The following HSD17B4 variants were observed in gnomAD, a reference collection of about 807,000 sequenced individuals.
HSD17B4 encodes the protein peroxisomal multifunctional enzyme type 2.
A neutral mutation model predicts 101.0 loss-of-function variants in HSD17B4; 70 were observed. The ratio of observed to expected loss-of-function variants is 0.69; its 90% CI spans 0.57 to 0.85. HSD17B4 has a LOEUF of 0.85. HSD17B4 is among the 40% of genes least tolerant of loss of function. The pLI is 0.00. For missense variants in HSD17B4, 984 were observed against 892.4 expected (o/e 1.10, Z -1.31); for synonymous variants, 347 against 297.1 (o/e 1.17, Z -1.73).
intron 14 of HSD17B4, among the ~76,000 whole-genome samples, chr5:119,503,076 TTGTGTGTGTGTGTGTGTG>T (rs759039800): frequency 2.8e-5 from 4 of 140,534 alleles, no homozygotes; most frequent in African/African-American, 8.1e-5. Flanking sequence ...ACCTTGGAAA[TTGTGTGTGTGTGTGTGTG>T]TGTGTGTGTG....
chr5:119,452,768 G>A (rs1561420145), intron 1 of HSD17B4, 135 bp downstream of exon 1: 2 of 1,570,344 alleles, frequency 1.3e-6, no homozygotes, highest in Non-Finnish European at 1.7e-6. Context: ...TTATTCTTGA[G>A]GCACCGCATC....
chr5:119,530,183 A>C, intron 21 of HSD17B4: 1 of 550,488 alleles, frequency 1.8e-6, no homozygotes, highest in Middle Eastern at 4.5e-4. Flanking sequence ...CTCGTTTTGC[A>C]GGATACTAGG....
intron 9 of HSD17B4, among the ~76,000 whole-genome samples, chr5:119,490,316 A>C (rs1336721556): frequency 6.6e-6 from 1 of 152,162 alleles, no homozygotes; most frequent in Non-Finnish European, 1.5e-5. Flanking sequence ...AGCCATCTGT[A>C]ATTCAGAATT....
intron 20 of HSD17B4, among the ~76,000 whole-genome samples, chr5:119,529,551 C>T (rs972396462): frequency 3.3e-5 from 5 of 152,206 alleles, no homozygotes; most frequent in African/African-American, 1.2e-4. Context: ...CTGATCCCCA[C>T]TTCCCCCCCA....
At chr5:119,475,540 CT>C (rs1748499712) in intron 4 of HSD17B4, 165 bp from the exon 5 acceptor site, 12 of 592,014 alleles carry the variant, frequency 2.0e-5, no homozygotes, top group Admixed American at 3.2e-5. Context: ...TGTGAGTCAA[CT>C]TTTTTTGATA....
In HSD17B4 at chr5:119,525,945, A is replaced by T; in HGVS notation, c.1602A>T (p.Leu534Phe). 1 of 1,610,176 alleles carries T rather than the reference A, an allele frequency of 6.2e-7. No individual in the cohort carries two copies. The highest frequency in any genetic ancestry group is 8.5e-7 in the Non-Finnish European group (1 of 1,176,656). ...TTGACAAGCCCATATTACATGGATT[A>T]TGTACATTTGGATTTTCTGCCAGGC... ...AGFDKPILHG[L>F]CTFGFSARRV... The change falls in exon 19 of 24, where the codon TTA becomes TTT. Residue 534 changes from leucine (L) to phenylalanine (F), a missense_variant. Coordinates refer to ENST00000510025, the MANE Select transcript of HSD17B4 (RefSeq NM_000414.4).
At chr5:119,475,186 A>G (rs1748465964) in intron 4 of HSD17B4, among the ~76,000 whole-genome samples, 1 of 152,172 alleles carries the variant, frequency 6.6e-6, no homozygotes, top group Non-Finnish European at 1.5e-5. Context: ...GTGAAATCAT[A>G]GGGTGAAAAT....
chr5:119,480,324 C>G (rs945429173), intron 8 of HSD17B4, among the ~76,000 whole-genome samples: 11 of 151,938 alleles, frequency 7.2e-5, no homozygotes, highest in Non-Finnish European at 1.2e-4. Flanking sequence ...AGGTTCTTTT[C>G]TATTTTCCTA....
chr5:119,455,068 AT>A (rs1433378042), intron 1 of HSD17B4, among the ~76,000 whole-genome samples: 1 of 152,380 alleles, frequency 6.6e-6, no homozygotes, highest in Admixed American at 6.5e-5. Context: ...AATGTAAAAA[AT>A]ATACACATAT....
At chr5:119,491,098 C>G (rs1045977809) in intron 9 of HSD17B4, among the ~76,000 whole-genome samples, 4 of 152,076 alleles carry the variant, frequency 2.6e-5, no homozygotes, top group Admixed American at 2.6e-4. Context: ...GTGGCAGATA[C>G]AAATATTTTT....
chr5:119,500,332 A>ATATACATTGTATATAGT (rs528637685), intron 13 of HSD17B4, among the ~76,000 whole-genome samples: 2 of 152,134 alleles, frequency 1.3e-5, no homozygotes, highest in Non-Finnish European at 2.9e-5. Context: ...GGGTGCATAT[A>ATATACATTGTATATAGT]TATACATTGT....
At chr5:119,492,362 T>G in intron 10 of HSD17B4, 2 of 548,302 alleles carry the variant, frequency 3.6e-6, no homozygotes, top group East Asian at 3.1e-5. Flanking sequence ...TATTCAGGAC[T>G]TGTCCTGTTT....
chr5:119,472,170 C>G (rs1756436772), intron 2 of HSD17B4, among the ~76,000 whole-genome samples: 1 of 152,150 alleles, frequency 6.6e-6, no homozygotes, highest in Non-Finnish European at 1.5e-5. Flanking sequence ...ATTTTAGACA[C>G]TGTGTGTTGT....
chr5:119,534,842 G>C (rs931699033), intron 22 of HSD17B4, among the ~76,000 whole-genome samples: 1 of 152,076 alleles, frequency 6.6e-6, no homozygotes, highest in South Asian at 2.1e-4. Context: ...ACTAACAGCA[G>C]CTCCTGACTG....
chr5:119,499,280 A>G (rs777883269), intron 12 of HSD17B4, 37 bp from the exon 13 acceptor site: 5 of 1,405,722 alleles, frequency 3.6e-6, no homozygotes, highest in South Asian at 1.2e-5. Context: ...TTGAAAAGTT[A>G]TCAATGAAAT....
At chr5:119,458,711 A>C (rs1020773625) in intron 2 of HSD17B4, among the ~76,000 whole-genome samples, 1 of 152,110 alleles carries the variant, frequency 6.6e-6, no homozygotes, top group African/African-American at 2.4e-5. Flanking sequence ...GCTATGTTTT[A>C]TATTCCATAA....
rs552177197 is a variant in HSD17B4, at chr5:119,509,222, A to G, written c.1415A>G (p.Lys472Arg). The G allele has an allele frequency of 6.2e-7, 1 of 1,604,866 alleles. No individual in the cohort carries two copies. The highest frequency in any genetic ancestry group is 1.7e-5 in the Admixed American group (1 of 60,010). ...FLVGSGGFGG[K>R]RTSDKVKVAV... ...GTTGGCTCTGGAGGCTTTGGTGGAA[A>G]ACGGACATCAGACAAAGTCAAGGTA... The change falls in exon 16 of 24, where the codon AAA (lysine) becomes AGA (arginine). Residue 472 changes from lysine (K) to arginine (R), a missense_variant. Transcript: ENST00000510025.
chr5:119,521,860 A>T (rs1424470876), intron 17 of HSD17B4, among the ~76,000 whole-genome samples: 1 of 144,346 alleles, frequency 6.9e-6, no homozygotes, highest in Non-Finnish European at 1.5e-5. Flanking sequence ...CAGTTTGTTT[A>T]TTTGGAGGGG....
intron 8 of HSD17B4, among the ~76,000 whole-genome samples, chr5:119,485,575 A>C (rs938276760): frequency 6.6e-6 from 1 of 152,022 alleles, no homozygotes; most frequent in Non-Finnish European, 1.5e-5. Context: ...GAATATCTGA[A>C]AATTTATTTT....
Sources: gnomAD v4.1 joint callset for allele counts (sites outside exome capture counted in the v4.1 genomes callset) on GRCh38, gnomAD v4.1.1 for gene constraint, MANE v1.5 for transcripts, NCBI Gene and HGNC (gene_info 2026-07-23, HGNC 2026-07-21) for gene names.